PRRX1: variants seen among roughly 807,000 people sequenced by gnomAD.
PRRX1 encodes paired mesoderm homeobox protein 1.
In PRRX1, 8 loss-of-function variants were observed where a neutral mutation model predicts 24.0. The ratio of observed to expected loss-of-function variants is 0.33; its 90% CI spans 0.20 to 0.60. The LOEUF (loss-of-function observed/expected upper bound fraction) is 0.60, where lower values mean the gene tolerates loss of function less well. Ranked by LOEUF, PRRX1 falls within the 20% of genes least tolerant of loss-of-function variation. The probability of loss-of-function intolerance (pLI) is 0.82; values close to 1 mark genes in which losing one functional copy is unlikely to be tolerated. For missense variants in PRRX1, 281 were observed against 322.4 expected, an observed-to-expected ratio of 0.87 and a Z score of 0.98; for synonymous variants, 160 against 131.7, an observed-to-expected ratio of 1.22 and a Z score of -1.47.
chr1:170,678,989 C>T (rs903658797), intron 1 of PRRX1, among the ~76,000 whole-genome samples: 7 of 152,102 alleles, frequency 4.6e-5, no homozygotes, highest in African/African-American at 1.7e-4. Flanking sequence ...TTTTTATATC[C>T]CACAAAGTCT....
At chr1:170,716,685 T>C (rs1391105885) in intron 1 of PRRX1, among the ~76,000 whole-genome samples, 3 of 152,182 alleles carry the variant, frequency 2.0e-5, no homozygotes, top group Non-Finnish European at 2.9e-5. Context: ...CATTCTAATA[T>C]CCAGTTGGAT....
At chr1:170,714,456 G>T (rs1654843296) in intron 1 of PRRX1, among the ~76,000 whole-genome samples, 1 of 152,190 alleles carries the variant, frequency 6.6e-6, no homozygotes, top group South Asian at 2.1e-4. Context: ...GTTGGTTTCT[G>T]CTACTGGAGC....
chr1:170,690,787 G>A (rs1054248917), intron 1 of PRRX1, among the ~76,000 whole-genome samples: 3 of 152,008 alleles, frequency 2.0e-5, no homozygotes, highest in Non-Finnish European at 4.4e-5. Context: ...CTCTGGGAAA[G>A]GTATCAGTAA....
chr1:170,736,414 G>A lies in PRRX1; in HGVS notation c.*228G>A, dbSNP rs1655605607. ...TGGGATACCACCACCACTTGTTTCT[G>A]TGTGTGTTTATTTTGTTTTTCTTTC... is the stretch of plus-strand genomic sequence containing the variant. On this transcript the variant is annotated 3_prime_UTR_variant, in exon 4 of 4. Transcript: ENST00000239461. 1 of 592,974 alleles carries A rather than the reference G, an allele frequency of 1.7e-6. No individual in the cohort carries two copies. Among genetic ancestry groups the A allele is most frequent in the Admixed American group, 3.0e-5 (1 of 32,910 alleles). The allele number at this position is 592,974 out of a possible 1,614,324, so 36.7% of individuals were successfully genotyped here. A position where few individuals can be genotyped will look rare whatever the true frequency, so the allele number is the denominator to read the frequency against.
At chr1:170,678,352 G>A (rs1291854707) in intron 1 of PRRX1, among the ~76,000 whole-genome samples, 1 of 152,216 alleles carries the variant, frequency 6.6e-6, no homozygotes, top group Non-Finnish European at 1.5e-5. Flanking sequence ...AGATCAGCAT[G>A]GCTAGCAGTT....
At chr1:170,677,052 G>A (rs1274196301) in intron 1 of PRRX1, among the ~76,000 whole-genome samples, 1 of 152,110 alleles carries the variant, frequency 6.6e-6, no homozygotes, top group East Asian at 1.9e-4. Flanking sequence ...AAATTAAGTT[G>A]TCAAGTAACA....
At chr1:170,719,527 A>T (rs950189627) in intron 1 of PRRX1, among the ~76,000 whole-genome samples, 199 bp from the exon 2 acceptor site, 2 of 152,218 alleles carry the variant, frequency 1.3e-5, no homozygotes, top group Non-Finnish European at 2.9e-5. Context: ...CAAGCATTAG[A>T]GTTGCTGGGA....
At chr1:170,712,567 T>G (rs992966125) in intron 1 of PRRX1, among the ~76,000 whole-genome samples, 1 of 152,224 alleles carries the variant, frequency 6.6e-6, no homozygotes, top group Non-Finnish European at 1.5e-5. Flanking sequence ...CAGCCCATTT[T>G]TGAGAACACA....
chr1:170,684,475 G>A (rs1355558124), intron 1 of PRRX1, among the ~76,000 whole-genome samples: 2 of 152,214 alleles, frequency 1.3e-5, no homozygotes, highest in Non-Finnish European at 2.9e-5. Context: ...GGAATCGGCT[G>A]GGCGGGATGG....
intron 1 of PRRX1, among the ~76,000 whole-genome samples, chr1:170,683,163 T>C (rs1271256489): frequency 6.6e-6 from 1 of 152,222 alleles, no homozygotes; most frequent in Non-Finnish European, 1.5e-5. Flanking sequence ...ATGTGATTTA[T>C]GTCTTTAAAA....
chr1:170,692,301 T>C (rs758306814), intron 1 of PRRX1, among the ~76,000 whole-genome samples: 3 of 152,118 alleles, frequency 2.0e-5, no homozygotes, highest in Non-Finnish European at 2.9e-5. Context: ...TTATTTTCCA[T>C]TGTTTCAATA....
intron 3 of PRRX1, among the ~76,000 whole-genome samples, chr1:170,734,271 G>A (rs959246989): frequency 5.5e-5 from 8 of 146,414 alleles, no homozygotes; most frequent in Non-Finnish European, 1.2e-4. Flanking sequence ...CAGAATGACA[G>A]AAACCAATGA....
intron 1 of PRRX1, among the ~76,000 whole-genome samples, 178 bp from the exon 2 acceptor site, chr1:170,719,548 A>T (rs112861745): frequency 2.6e-5 from 4 of 152,356 alleles, no homozygotes; most frequent in African/African-American, 9.6e-5. Flanking sequence ...TTCTTGACAT[A>T]TGAACTTGAG....
At chr1:170,693,436 C>A (rs1235132818) in intron 1 of PRRX1, among the ~76,000 whole-genome samples, 1 of 152,016 alleles carries the variant, frequency 6.6e-6, no homozygotes, top group Non-Finnish European at 1.5e-5. Context: ...CAGAGGCAGG[C>A]TCTCAGGAAA....
In PRRX1 at chr1:170,670,068, T is replaced by C. The variant is rs138390983; in HGVS notation, c.241+5609T>C. Among the ~76,000 whole-genome samples the C allele has an allele frequency of 9.1e-4, 139 of 152,216 alleles. 2 individuals carry two copies. The highest frequency in any genetic ancestry group is 3.1e-3 in the African/African-American group (130 of 41,538). ...TTAAAGTATTCCTTATAGCTACAGA[T>C]AAAAAATTACAGGCAATGTTTGGAT... On this transcript the variant is annotated intron_variant, in intron 1 of 3. Transcript: ENST00000239461.
intron 2 of PRRX1, among the ~76,000 whole-genome samples, chr1:170,725,142 C>A (rs924124254): frequency 6.6e-6 from 1 of 152,102 alleles, no homozygotes; most frequent in Non-Finnish European, 1.5e-5. Flanking sequence ...CACCCTGAGA[C>A]TTTGCTGAAG....
Position 170,664,133 on chromosome 1 carries a change from T to G in PRRX1, c.-86T>G. The G allele has an allele frequency of 8.3e-7, 1 of 1,209,610 alleles. No individual in the cohort carries two copies. Among genetic ancestry groups the G allele is most frequent in the South Asian group, 1.6e-5 (1 of 63,398 alleles). The allele number at this position is 1,209,610 out of a possible 1,614,324, so 74.9% of individuals were successfully genotyped here. ...CACTACCCCCCTCTTTCTTCCCCACTCGGCTCCTCTCCCCCCTCGCGCCCA... is the reference window on the plus strand; with the variant it reads ...CACTACCCCCCTCTTTCTTCCCCACGCGGCTCCTCTCCCCCCTCGCGCCCA... On this transcript the variant is annotated 5_prime_UTR_variant, in exon 1 of 4. Coordinates refer to ENST00000239461, the MANE Select transcript of PRRX1 (RefSeq NM_022716.4).
At chr1:170,705,817 T>C (rs557358625) in intron 1 of PRRX1, among the ~76,000 whole-genome samples, 6 of 152,056 alleles carry the variant, frequency 3.9e-5, no homozygotes, top group African/African-American at 1.4e-4. Flanking sequence ...TTCCTTCTCA[T>C]GTGAGCAATT....
intron 1 of PRRX1, among the ~76,000 whole-genome samples, chr1:170,692,547 T>A (rs4656222): frequency 0.24 from 35,752 of 150,942 alleles, 5,220 homozygotes; most frequent in Middle Eastern, 0.36. Context: ...TTCAGGCCAC[T>A]AGAGTTCTAC....
Sources: gnomAD v4.1 joint callset for allele counts (sites outside exome capture counted in the v4.1 genomes callset) on GRCh38, gnomAD v4.1.1 for gene constraint, MANE v1.5 for transcripts, NCBI Gene and HGNC (gene_info 2026-07-23, HGNC 2026-07-21) for gene names.